Variants in FGFR3 observed in about 807,000 individuals in gnomAD.
FGFR3 encodes fibroblast growth factor receptor 3.
A neutral mutation model predicts 82.9 loss-of-function variants in FGFR3; 25 were observed. That is an observed-to-expected ratio of 0.30 (90% confidence interval 0.22 to 0.42). The LOEUF (loss-of-function observed/expected upper bound fraction) is 0.42. Ranked by LOEUF, FGFR3 falls within the 10% of genes least tolerant of loss-of-function variation. FGFR3 has a pLI of 1.00. For synonymous variants in FGFR3, 620 were observed against 516.0 expected (o/e 1.20, Z -2.73); for missense variants, 1,026 against 1,161.0 (o/e 0.88, Z 1.69).
At chr4:1,803,222 C>A in intron 7 of FGFR3, 2 of 883,706 alleles carry the variant, frequency 2.3e-6, no homozygotes, top group Non-Finnish European at 3.1e-6. Context: ...CCAGCCTCCA[C>A]GGTGACCGCC....
At position 1,806,579 on chromosome 4, in the gene FGFR3, C is replaced by T. The variant is rs1560445818; in HGVS notation, c.2064C>T (p.Phe688=). ...TTGGGGTCCTGCTCTGGGAGATCTTCACGCTGGGGGGCTCCCCGTACCCCG... is the reference window on the plus strand; with the variant it reads ...TTGGGGTCCTGCTCTGGGAGATCTTTACGCTGGGGGGCTCCCCGTACCCCG... The part of the protein sequence containing the change: ...WSFGVLLWEI[F]TLGGSPYPGI... Residue 688 remains phenylalanine, a synonymous_variant, in exon 16 of 18, where the codon TTC becomes TTT. Transcript: ENST00000440486. 4 of 1,612,988 alleles carry T rather than the reference C, an allele frequency of 2.5e-6. No individual in the cohort carries two copies. The highest frequency in any genetic ancestry group is 1.3e-5 in the African/African-American group (1 of 74,902).
intron 2 of FGFR3, 87 bp from the exon 3 acceptor site, chr4:1,799,167 C>T: frequency 6.3e-7 from 1 of 1,589,726 alleles, no homozygotes; most frequent in Non-Finnish European, 8.6e-7. Context: ...CTTCCTCACT[C>T]AGGGCCGCCG....
intron 8 of FGFR3, 47 bp from the exon 9 acceptor site, chr4:1,804,283 C>T (rs765560064): frequency 9.1e-6 from 14 of 1,539,156 alleles, no homozygotes; most frequent in Non-Finnish European, 1.0e-5. Flanking sequence ...ATGGGAGCCC[C>T]GTGGGGGGGG....
intron 2 of FGFR3, among the ~76,000 whole-genome samples, chr4:1,796,738 C>G (rs761570121): frequency 6.6e-6 from 1 of 152,176 alleles, no homozygotes; most frequent in Non-Finnish European, 1.5e-5. Flanking sequence ...TCCCCAGCAC[C>G]CTGCCTAATG....
At position 1,806,844 on chromosome 4, in the gene FGFR3, G is replaced by T. The variant is rs1721989124; in HGVS notation, c.2184G>T (p.Arg728=). The change falls in exon 17 of 18, where the codon CGG becomes CGT. Residue 728 remains arginine (R), a synonymous_variant. Coordinates refer to ENST00000440486, the MANE Select transcript of FGFR3 (RefSeq NM_000142.5). ...NCTHDLYMIM[R]ECWHAAPSQR... is the part of the protein sequence containing the mutation. ...CTGCCCGCAGGTACATGATCATGCG[G>T]GAGTGCTGGCATGCCGCGCCCTCCC... The T allele has an allele frequency of 6.2e-7, 1 of 1,609,460 alleles. No individual in the cohort carries two copies.
intron 4 of FGFR3, 66 bp downstream of exon 4, chr4:1,799,878 C>A: frequency 6.4e-7 from 1 of 1,569,498 alleles, no homozygotes; most frequent in South Asian, 1.1e-5. Flanking sequence ...AAGCCCTGCC[C>A]TTCACAGGCA....
intron 10 of FGFR3, 66 bp from the exon 11 acceptor site, chr4:1,805,288 TG>T: frequency 6.3e-7 from 1 of 1,597,818 alleles, no homozygotes; most frequent in Non-Finnish European, 8.5e-7. Context: ...CAGGCTGGGG[TG>T]GGGACCGTGG....
Position 1,806,747 on chromosome 4 carries a change from G to A in FGFR3, c.2168+64G>A, listed in dbSNP as rs947986797. 4.4e-6 allele frequency: 7 copies of A among 1,598,076 alleles called. 1 individual carries two copies. The Middle Eastern group carries it at 6.5e-4, about 148-fold the overall frequency. On this transcript the variant is annotated intron_variant, in intron 16 of 17. Coordinates refer to ENST00000440486, the MANE Select transcript of FGFR3 (RefSeq NM_000142.5). The stretch of plus-strand genomic sequence containing the variant: ...GTGGGGGTCCCTCCGGGGCTGGGCG[G>A]GGGAGGGACTGGCAGCCCTTCAGGC...
In FGFR3 at chr4:1,806,302, C is replaced by G. The variant is rs1490564667; in HGVS notation, c.2005C>G (p.Arg669Gly). The change falls in exon 15 of 18, where the codon CGA (arginine) becomes GGA (glycine). Residue 669 changes from arginine to glycine, a missense_variant. Arg to Gly is a moderately radical substitution (Grantham distance 125, BLOSUM62 -2). This residue lies in a region of FGFR3 where 45 missense variants were observed against 80.8 expected (regional missense o/e 0.56). Transcript: ENST00000440486. ...GATGGCGCCTGAGGCCTTGTTTGAC[C>G]GAGTCTACACTCACCAGAGTGACGT... ...KWMAPEALFD[R>G]VYTHQSDVWS... 5 of 1,531,168 alleles carry G rather than the reference C, an allele frequency of 3.3e-6. No individual in the cohort carries two copies. The highest frequency in any genetic ancestry group is 3.5e-6 in the Non-Finnish European group (4 of 1,134,678). 94.8% of individuals were successfully genotyped at this position (1,531,168 alleles called of 1,614,324 possible).
chr4:1,799,455 C>A lies in FGFR3; in HGVS notation c.311C>A (p.Ser104Tyr). The change falls in exon 3 of 18, where the codon TCC becomes TAC. Residue 104 changes from serine to tyrosine, a missense_variant. Ser to Tyr is a moderately radical substitution (Grantham distance 144). Transcript: ENST00000440486. ...GTGCTGAATGCCTCCCACGAGGACT[C>A]CGGGGCCTACAGCTGCCGGCAGCGG... is the stretch of plus-strand genomic sequence containing the variant. ...LQVLNASHED[S>Y]GAYSCRQRLT... 6.2e-7 allele frequency: 1 copy of A among 1,603,766 alleles called. No homozygotes were observed. The highest frequency in any genetic ancestry group is 8.5e-7 in the Non-Finnish European group (1 of 1,176,008).
rs759815430 is a variant in FGFR3, at chr4:1,799,439, G to A, written c.295G>A (p.Ala99Thr). 6.2e-7 allele frequency: 1 copy of A among 1,609,394 alleles called. No homozygotes were observed. Among genetic ancestry groups the A allele is most frequent in the East Asian group, 2.2e-5 (1 of 44,760 alleles). The change falls in exon 3 of 18, where the codon GCC (alanine) becomes ACC (threonine). Residue 99 changes from alanine (A) to threonine (T), a missense_variant. Physicochemically the swap from Ala to Thr is moderately conservative, Grantham distance 58 (BLOSUM62 0). Transcript: ENST00000440486. ...VGPQRLQVLN[A>T]SHEDSGAYSC... ...GCCCCAGCGGCTGCAGGTGCTGAAT[G>A]CCTCCCACGAGGACTCCGGGGCCTA... is the stretch of plus-strand genomic sequence containing the variant.
Position 1,807,875 on chromosome 4 carries a change from A to G in FGFR3, c.*613A>G, listed in dbSNP as rs934253122. ...CGGAAACTAGTGTACATTTCTATAA[A>G]TAGATGCTGTGTATATGGTATATAT... is the stretch of plus-strand genomic sequence containing the variant. On this transcript the variant is annotated 3_prime_UTR_variant, in exon 18 of 18. Coordinates refer to ENST00000440486, the MANE Select transcript of FGFR3 (RefSeq NM_000142.5). 2 of 424,028 alleles carry G rather than the reference A, an allele frequency of 4.7e-6. No homozygotes were observed. Among genetic ancestry groups the G allele is most frequent in the Admixed American group, 7.3e-5 (2 of 27,280 alleles). The allele number at this position is 424,028 out of a possible 1,614,324, so 26.3% of individuals were successfully genotyped here.
chr4:1,808,600 TCTTACGCAATG>T lies in FGFR3; in HGVS notation c.*1342_*1352del. 1.3e-5 allele frequency: 3 copies of T among 231,356 alleles called. No individual in the cohort carries two copies. The highest frequency in any genetic ancestry group is 2.6e-5 in the Non-Finnish European group (3 of 116,594). 14.3% of individuals were successfully genotyped at this position (231,356 alleles called of 1,614,324 possible). ...ATGTATTTGTTGTAGACTTAACACTTCTTACGCAATGCTTCTAGAGTTTTATAGCCTGGACT... is the reference window on the plus strand; with the variant it reads ...ATGTATTTGTTGTAGACTTAACACTTCTTCTAGAGTTTTATAGCCTGGACT... On this transcript the variant is annotated 3_prime_UTR_variant, in exon 18 of 18. Coordinates refer to ENST00000440486, the MANE Select transcript of FGFR3 (RefSeq NM_000142.5).
chr4:1,794,186 C>G, intron 2 of FGFR3, 143 bp downstream of exon 2: 2 of 429,074 alleles, frequency 4.7e-6, no homozygotes, highest in East Asian at 4.0e-5. Context: ...GCCTCCTTGC[C>G]GGAGAGCGCG....
Position 1,807,578 on chromosome 4 carries a change from G to A in FGFR3, c.*316G>A, listed in dbSNP as rs780708053. ...GTGCAGAATGTAAGTGGGCCCACCC[G>A]GTGGGACCCCCGTGGGGCAGGGAGC... On this transcript the variant is annotated 3_prime_UTR_variant, in exon 18 of 18. Coordinates refer to ENST00000440486, the MANE Select transcript of FGFR3 (RefSeq NM_000142.5). 5.8e-5 allele frequency: 40 copies of A among 691,888 alleles called. No homozygotes were observed. The Middle Eastern group carries it at 4.4e-3, about 77-fold the overall frequency. The allele number at this position is 691,888 out of a possible 1,614,324, so 42.9% of individuals were successfully genotyped here. A position where few individuals can be genotyped will look rare whatever the true frequency, so the allele number is the denominator to read the frequency against.
At chr4:1,802,167 C>T in intron 7 of FGFR3, 142 bp downstream of exon 7, 4 of 920,618 alleles carry the variant, frequency 4.3e-6, no homozygotes, top group Non-Finnish European at 6.7e-6. Flanking sequence ...GCTTGTGGGG[C>T]CAAGTCTCAG....
Position 1,801,826 on chromosome 4 carries a change from C to A in FGFR3, c.740-9C>A, listed in dbSNP as rs886038257. 6.2e-7 allele frequency: 1 copy of A among 1,604,578 alleles called. No homozygotes were observed. The highest frequency in any genetic ancestry group is 8.5e-7 in the Non-Finnish European group (1 of 1,175,124). On this transcript the variant is annotated splice_polypyrimidine_tract_variant and intron_variant, in intron 6 of 17. Coordinates refer to ENST00000440486, the MANE Select transcript of FGFR3 (RefSeq NM_000142.5). ...GGGGGTGGCCCCTGAGCGTCATCTG[C>A]CCCCACAGAGCGCTCCCCGCACCGG...
intron 2 of FGFR3, 117 bp from the exon 3 acceptor site, chr4:1,799,137 C>T: frequency 2.1e-6 from 3 of 1,422,996 alleles, no homozygotes; most frequent in South Asian, 2.3e-5. Flanking sequence ...TCTGGTGGGA[C>T]CCTGGATCTG....
chr4:1,796,319 C>T (rs1720505684), intron 2 of FGFR3, among the ~76,000 whole-genome samples: 1 of 152,156 alleles, frequency 6.6e-6, no homozygotes, highest in East Asian at 1.9e-4. Flanking sequence ...CTTTAGCCTG[C>T]CCAGCCTCCA....
Sources: allele counts gnomAD v4.1 joint callset (sites outside exome capture counted in the v4.1 genomes callset), GRCh38; gene constraint gnomAD v4.1.1; regional missense constraint gnomAD v4.1.1; transcripts MANE v1.5; gene names NCBI Gene and HGNC (gene_info 2026-07-23, HGNC 2026-07-21).